The following MMS22L variants were observed in gnomAD, a reference collection of about 807,000 sequenced individuals.
MMS22L encodes the protein protein MMS22-like.
Under a neutral mutation model 159.1 loss-of-function variants are expected in MMS22L, and 74 were observed. The observed-to-expected ratio is 0.47, with a 90% CI of 0.39 to 0.56. MMS22L has a LOEUF of 0.56. Ranked by LOEUF, MMS22L falls within the 20% of genes least tolerant of loss-of-function variation. The pLI is 0.00. For missense variants in MMS22L, 1,351 were observed against 1,422.1 expected (o/e 0.95, Z 0.80); for synonymous variants, 517 against 506.9 (o/e 1.02, Z -0.27).
At position 97,151,754 on chromosome 6, in the gene MMS22L, G is replaced by C; in HGVS notation, c.3482+17C>G. On this transcript the variant is annotated intron_variant, in intron 23 of 24. Transcript: ENST00000683635. The stretch of plus-strand genomic sequence containing the variant: ...CTGGCAATAGTTTCCTTGCCAGGTG[G>C]CATATTTTCCAGTTACCTAAACACA... The C allele has an allele frequency of 6.3e-7, 1 of 1,598,148 alleles. No homozygotes were observed. The highest frequency in any genetic ancestry group is 2.2e-5 in the East Asian group (1 of 44,782).
At chr6:97,268,111 A>T (rs1216034377) in intron 7 of MMS22L, 109 bp from the exon 8 acceptor site, 64 of 768,960 alleles carry the variant, frequency 8.3e-5, no homozygotes, top group Admixed American at 1.6e-4. Flanking sequence ...ACAGTTTTTA[A>T]TTTTTTTTTG....
intron 13 of MMS22L, 55 bp downstream of exon 13, chr6:97,231,371 T>C (rs1810841654): frequency 1.6e-6 from 2 of 1,268,010 alleles, no homozygotes; most frequent in Non-Finnish European, 2.3e-6. Flanking sequence ...ATACAAATAG[T>C]AACACCTATC....
intron 14 of MMS22L, among the ~76,000 whole-genome samples, chr6:97,225,813 C>G (rs536224070): frequency 6.6e-6 from 1 of 152,094 alleles, no homozygotes; most frequent in Non-Finnish European, 1.5e-5. Context: ...CCTCGTGATC[C>G]GCCCACCTCG....
intron 22 of MMS22L, among the ~76,000 whole-genome samples, chr6:97,153,869 A>G (rs1194743602): frequency 6.6e-6 from 1 of 152,176 alleles, no homozygotes; most frequent in Admixed American, 6.5e-5. Context: ...TGATCCATCA[A>G]ACGATGAGTA....
chr6:97,189,219 A>C (rs1805586613), intron 14 of MMS22L, among the ~76,000 whole-genome samples: 1 of 150,920 alleles, frequency 6.6e-6, no homozygotes, highest in Non-Finnish European at 1.5e-5. Flanking sequence ...TATAAGTATG[A>C]GCTAACGTGG....
rs1356509397 is a variant in MMS22L, at chr6:97,144,778, A to G, written c.*2028T>C. The G allele has an allele frequency of 6.6e-6, 1 of 152,036 alleles. No individual in the cohort carries two copies. The highest frequency in any genetic ancestry group is 1.5e-5 in the Non-Finnish European group (1 of 67,992). The allele number at this position is 152,036 out of a possible 1,614,324, so 9.4% of individuals were successfully genotyped here. ...AGCCATAAATTTTCTTCTTTTTTCA[A>G]TTTAAAAAAAAGCTTTAAAAAAAGT... On this transcript the variant is annotated 3_prime_UTR_variant, in exon 25 of 25. Coordinates refer to ENST00000683635, the MANE Select transcript of MMS22L (RefSeq NM_001350599.2).
At chr6:97,268,644 CATT>C (rs1490037864) in intron 7 of MMS22L, among the ~76,000 whole-genome samples, 1 of 151,546 alleles carries the variant, frequency 6.6e-6, no homozygotes, top group Non-Finnish European at 1.5e-5. Flanking sequence ...GCCTTTAAAA[CATT>C]ATTTTTTTAA....
At chr6:97,247,304 A>G (rs1460723996) in intron 10 of MMS22L, among the ~76,000 whole-genome samples, 4 of 152,242 alleles carry the variant, frequency 2.6e-5, no homozygotes, top group Non-Finnish European at 5.9e-5. Context: ...CAGGATACTC[A>G]GTTCACTTAA....
chr6:97,186,578 A>C lies in MMS22L; in HGVS notation c.2152T>G (p.Trp718Gly). ...RHLAAVASAL[W>G]RHFFSFLKSQ... is the part of the protein sequence containing the mutation. Reference sequence around the variant, plus strand: ...TTCAAAAATGAAAAGAAATGTCTCCACAGTGCACTGGCAACTGCAGCAAGG... The same window carrying C: ...TTCAAAAATGAAAAGAAATGTCTCCCCAGTGCACTGGCAACTGCAGCAAGG... The change falls in exon 15 of 25, where the codon TGG (tryptophan) becomes GGG (glycine). Residue 718 changes from tryptophan to glycine, a missense_variant. Trp to Gly is a radical substitution (Grantham distance 184). Transcript: ENST00000683635. 6.2e-7 allele frequency: 1 copy of C among 1,613,172 alleles called. No homozygotes were observed.
intron 11 of MMS22L, among the ~76,000 whole-genome samples, chr6:97,234,602 C>T (rs1426031248): frequency 2.0e-5 from 3 of 152,106 alleles, no homozygotes; most frequent in Non-Finnish European, 2.9e-5. Context: ...ACTGTTTTAA[C>T]GTACTAGGCA....
chr6:97,150,388 G>A (rs1218415545), intron 23 of MMS22L, among the ~76,000 whole-genome samples: 1 of 152,056 alleles, frequency 6.6e-6, no homozygotes, highest in African/African-American at 2.4e-5. Flanking sequence ...AGATTTCCTA[G>A]TTATTTTTTA....
Position 97,281,317 on chromosome 6 carries a change from A to G in MMS22L, c.210T>C (p.Asp70=). The G allele has an allele frequency of 1.2e-6, 2 of 1,609,096 alleles. No individual in the cohort carries two copies. Among genetic ancestry groups the G allele is most frequent in the Non-Finnish European group, 1.7e-6 (2 of 1,177,766 alleles). ...ACTGAATGCCAAATATTTCCAAGGT[A>G]TCTTCTTCAAAATTAGTTGGTAAAG... ...LDPLPTNFEE[D]TLEIFGIQWV... Residue 70 remains aspartate, a synonymous_variant, in exon 3 of 25, where the codon GAT becomes GAC. Coordinates refer to ENST00000683635, the MANE Select transcript of MMS22L (RefSeq NM_001350599.2).
At chr6:97,153,574 T>C (rs938165114) in intron 22 of MMS22L, among the ~76,000 whole-genome samples, 2 of 152,076 alleles carry the variant, frequency 1.3e-5, no homozygotes, top group Non-Finnish European at 2.9e-5. Context: ...TTTCACCGTA[T>C]TGGCCAGGCA....
At chr6:97,278,486 C>T (rs1302779025) in intron 4 of MMS22L, among the ~76,000 whole-genome samples, 1 of 150,970 alleles carries the variant, frequency 6.6e-6, no homozygotes, top group Non-Finnish European at 1.5e-5. Context: ...ACACCAAAAG[C>T]AAACACAAAA....
upstream of MMS22L, among the ~76,000 whole-genome samples, chr6:97,283,894 T>C (rs143809090): frequency 7.0e-3 from 1,072 of 152,308 alleles, 15 homozygotes; most frequent in African/African-American, 0.024. Flanking sequence ...AAGTAGATAC[T>C]TGAAATACTC....
chr6:97,265,432 T>C (rs1562522001), intron 8 of MMS22L: 2 of 152,034 alleles, frequency 1.3e-5, no homozygotes. Context: ...TATATGACAA[T>C]GGTCTGGTAA....
At chr6:97,239,858 A>C (rs1258465576) in intron 11 of MMS22L, among the ~76,000 whole-genome samples, 1 of 152,172 alleles carries the variant, frequency 6.6e-6, no homozygotes, top group Non-Finnish European at 1.5e-5. Flanking sequence ...GTGAGCTATA[A>C]CCACACCACT....
In MMS22L at chr6:97,187,847, G is replaced by A. The variant is rs536908739; in HGVS notation, c.2040-1157C>T. Among the ~76,000 whole-genome samples the A allele has an allele frequency of 5.3e-5, 8 of 152,186 alleles. No homozygotes were observed. The East Asian group carries it at 1.5e-3, about 29-fold the overall frequency. On this transcript the variant is annotated intron_variant, in intron 14 of 24. Transcript: ENST00000683635. Reference sequence around the variant, plus strand: ...GAATATTTCGCATAACTACCCAAGAGTGAGTAAAAATTCTAAGTATAAACT... The same window carrying A: ...GAATATTTCGCATAACTACCCAAGAATGAGTAAAAATTCTAAGTATAAACT...
At chr6:97,219,826 C>T (rs1006138842) in intron 14 of MMS22L, among the ~76,000 whole-genome samples, 1 of 152,324 alleles carries the variant, frequency 6.6e-6, no homozygotes, top group Middle Eastern at 3.4e-3. Context: ...GCCTGGAATA[C>T]TGGCTCCTCC....
Sources: allele counts gnomAD v4.1 joint callset (sites outside exome capture counted in the v4.1 genomes callset), GRCh38; gene constraint gnomAD v4.1.1; transcripts MANE v1.5; gene names NCBI Gene and HGNC (gene_info 2026-07-23, HGNC 2026-07-21).